Variants in ZNF490 observed in about 807,000 individuals in gnomAD.
ZNF490 encodes the protein zinc finger protein 490.
Under a neutral mutation model 17.7 loss-of-function variants are expected in ZNF490, and 11 were observed. The ratio of observed to expected loss-of-function variants is 0.62; its 90% CI spans 0.39 to 1.03. ZNF490 has a LOEUF of 1.03. ZNF490 is among the 50% of genes least tolerant of loss of function. The pLI, the probability that ZNF490 is intolerant of heterozygous loss-of-function variation, is 0.00. For synonymous variants in ZNF490, 222 were observed against 216.1 expected, an observed-to-expected ratio of 1.03 and a Z score of -0.24; for missense variants, 542 against 643.4, an observed-to-expected ratio of 0.84 and a Z score of 1.71.
At chr19:12,608,660 G>C (rs1177586074) in intron 2 of ZNF490, among the ~76,000 whole-genome samples, 1 of 152,018 alleles carries the variant, frequency 6.6e-6, no homozygotes, top group Non-Finnish European at 1.5e-5. Context: ...ATTTTTAATA[G>C]AGATGAGGTT....
rs1420810079 is a variant in ZNF490 at position 12,577,916 on chromosome 19, C to T, written c.*2569G>A. On this transcript the variant is annotated 3_prime_UTR_variant, in exon 5 of 5. Transcript: ENST00000311437. The stretch of plus-strand genomic sequence containing the variant: ...TGACTCCAACAAAGGACAGACCCGA[C>T]CCCTATCGTGCCTATGCAATTCAGA... 7 of 985,334 alleles carry T rather than the reference C, an allele frequency of 7.1e-6. No homozygotes were observed. The highest frequency in any genetic ancestry group is 7.2e-6 in the Non-Finnish European group (6 of 829,958). 61.0% of individuals were successfully genotyped at this position (985,334 alleles called of 1,614,324 possible).
In ZNF490 at chr19:12,578,170, A is replaced by G; in HGVS notation, c.*2315T>C. 1 of 985,502 alleles carries G rather than the reference A, an allele frequency of 1.0e-6. No individual in the cohort carries two copies. The highest frequency in any genetic ancestry group is 1.2e-6 in the Non-Finnish European group (1 of 829,992). The allele number at this position is 985,502 out of a possible 1,614,324, so 61.0% of individuals were successfully genotyped here. The stretch of plus-strand genomic sequence containing the variant: ...CTGGAGCAGGATGCATGTGACATGC[A>G]CTGACGTGAGAAGGCCGGAGCATCA... On this transcript the variant is annotated 3_prime_UTR_variant, in exon 5 of 5. Coordinates refer to ENST00000311437, the MANE Select transcript of ZNF490 (RefSeq NM_020714.3).
At chr19:12,591,218 G>C (rs569773542) in intron 2 of ZNF490, among the ~76,000 whole-genome samples, 1 of 152,070 alleles carries the variant, frequency 6.6e-6, no homozygotes, top group African/African-American at 2.4e-5. Flanking sequence ...GTGAAACCCT[G>C]TCTCTACTAA....
At chr19:12,601,187 G>C (rs1433317782) in intron 2 of ZNF490, among the ~76,000 whole-genome samples, 5 of 151,242 alleles carry the variant, frequency 3.3e-5, no homozygotes, top group Non-Finnish European at 7.4e-5. Context: ...AGGAGATCGA[G>C]ACCATCCTGG....
Position 12,577,109 on chromosome 19 carries a change from T to C in ZNF490, c.*3376A>G, listed in dbSNP as rs2022652077. On this transcript the variant is annotated 3_prime_UTR_variant, in exon 5 of 5. Coordinates refer to ENST00000311437, the MANE Select transcript of ZNF490 (RefSeq NM_020714.3). ...TTGCTTGCTTTCGTGTCTTCCAGAA[T>C]GCCAGGATCAAGGGGACAGAGATAT... 6.6e-6 allele frequency among the ~76,000 whole-genome samples: 1 copy of C among 152,168 alleles called. No homozygotes were observed. Among genetic ancestry groups the C allele is most frequent in the African/African-American group, 2.4e-5 (1 of 41,444 alleles).
intron 2 of ZNF490, among the ~76,000 whole-genome samples, chr19:12,590,156 A>C (rs560490249): frequency 1.4e-4 from 21 of 150,758 alleles, no homozygotes; most frequent in African/African-American, 4.4e-4. Flanking sequence ...ACCTTGTGAT[A>C]CGCCCGTCTC....
chr19:12,588,042 G>C (rs111472333), intron 2 of ZNF490, among the ~76,000 whole-genome samples: 1 of 93,632 alleles, frequency 1.1e-5, no homozygotes, highest in East Asian at 2.0e-4. Context: ...GCTAATTTTT[G>C]TATTTTTAGT....
intron 4 of ZNF490, 69 bp downstream of exon 4, chr19:12,582,781 G>C (rs947728037): frequency 7.7e-7 from 1 of 1,292,918 alleles, no homozygotes; most frequent in Non-Finnish European, 1.1e-6. Context: ...TTGCTTGCTT[G>C]GCTTTTGAAA....
chr19:12,582,270 C>A (rs1484630070), intron 4 of ZNF490, among the ~76,000 whole-genome samples: 1 of 149,028 alleles, frequency 6.7e-6, no homozygotes, highest in Non-Finnish European at 1.5e-5. Context: ...TTTTTTTTTT[C>A]CTGTAGAGAC....
chr19:12,599,139 C>CAAAAAAAAAAAAAAAAAAAAAAGAAAAAA (rs2022971423), intron 2 of ZNF490, among the ~76,000 whole-genome samples: 1 of 68,634 alleles, frequency 1.5e-5, no homozygotes, highest in Non-Finnish European at 2.4e-5. Context: ...GACTCTGTCT[C>CAAAAAAAAAAAAAAAAAAAAAAGAAAAAA]AAAAAAAAAA....
At chr19:12,591,893 T>TAA (rs755731863) in intron 2 of ZNF490, among the ~76,000 whole-genome samples, 1 of 151,552 alleles carries the variant, frequency 6.6e-6, no homozygotes, top group Non-Finnish European at 1.5e-5. Context: ...AGGTATTTAC[T>TAA]AAAAAGAGTT....
chr19:12,610,807 T>TCTGCCTAGCTACTAGACCTG lies in ZNF490; in HGVS notation c.-128_-127insCAGGTCTAGTAGCTAGGCAG, dbSNP rs2023141847. The TCTGCCTAGCTACTAGACCTG allele has an allele frequency of 2.0e-6, 2 of 984,472 alleles. No individual in the cohort carries two copies. The highest frequency in any genetic ancestry group is 1.6e-5 in the African/African-American group (1 of 62,946). The allele number at this position is 984,472 out of a possible 1,614,324, so 61.0% of individuals were successfully genotyped here. A position where few individuals can be genotyped will look rare whatever the true frequency, so the allele number is the denominator to read the frequency against. On this transcript the variant is annotated 5_prime_UTR_variant, in exon 1 of 5. Coordinates refer to ENST00000311437, the MANE Select transcript of ZNF490 (RefSeq NM_020714.3). ...TTCCGTCCCACCGGCGGAAGCGAGA[T>TCTGCCTAGCTACTAGACCTG]CTGCCTAGCTACTAGACCTGCTGCC...
intron 2 of ZNF490, among the ~76,000 whole-genome samples, chr19:12,593,046 C>T (rs1009041141): frequency 2.0e-5 from 3 of 152,150 alleles, no homozygotes; most frequent in Admixed American, 2.0e-4. Context: ...CACAGGATGC[C>T]TTGTTCAAAA....
At position 12,578,743 on chromosome 19, in the gene ZNF490, T is replaced by C; in HGVS notation, c.*1742A>G. 1.0e-6 allele frequency: 1 copy of C among 985,408 alleles called. No individual in the cohort carries two copies. Among genetic ancestry groups the C allele is most frequent in the Non-Finnish European group, 1.2e-6 (1 of 829,926 alleles). The allele number at this position is 985,408 out of a possible 1,614,324, so 61.0% of individuals were successfully genotyped here. A position where few individuals can be genotyped will look rare whatever the true frequency, so the allele number is the denominator to read the frequency against. On this transcript the variant is annotated 3_prime_UTR_variant, in exon 5 of 5. Transcript: ENST00000311437. The stretch of plus-strand genomic sequence containing the variant: ...GAGTCTTCTCACTTCTCTCCAGTCA[T>C]GTGTGAGAGCTGAGGGCAGGCACTG...
intron 2 of ZNF490, among the ~76,000 whole-genome samples, chr19:12,589,736 C>T (rs1002455127): frequency 6.6e-6 from 1 of 151,774 alleles, no homozygotes. Flanking sequence ...GCCACTGCAT[C>T]GGGCAAGAGG....
chr19:12,610,537 T>TA, intron 1 of ZNF490, 27 bp downstream of exon 1: 1 of 1,577,484 alleles, frequency 6.3e-7, no homozygotes, highest in African/African-American at 1.3e-5. Flanking sequence ...CGAGAGGCCT[T>TA]ACAACATTAT....
chr19:12,599,705 GAAAGT>G (rs2022978365), intron 2 of ZNF490, among the ~76,000 whole-genome samples: 1 of 152,210 alleles, frequency 6.6e-6, no homozygotes, highest in Non-Finnish European at 1.5e-5. Flanking sequence ...GGTGTGTAAG[GAAAGT>G]AGAGTATACT....
chr19:12,581,777 T>C (rs1278314015), intron 4 of ZNF490, 53 bp from the exon 5 acceptor site: 1 of 1,422,892 alleles, frequency 7.0e-7, no homozygotes, highest in Non-Finnish European at 9.5e-7. Context: ...TGATCTTATA[T>C]TTATTAGCAA....
intron 2 of ZNF490, among the ~76,000 whole-genome samples, chr19:12,598,500 G>T (rs55856594): frequency 0.052 from 7,760 of 150,226 alleles, 432 homozygotes; most frequent in African/African-American, 0.14. Flanking sequence ...TCAGCCTCCC[G>T]AGTAGCTGGA....
Sources: gnomAD v4.1 joint callset for allele counts (sites outside exome capture counted in the v4.1 genomes callset) on GRCh38, gnomAD v4.1.1 for gene constraint, MANE v1.5 for transcripts, NCBI Gene and HGNC (gene_info 2026-07-23, HGNC 2026-07-21) for gene names.